The following CDK14 variants were observed in gnomAD, a reference collection of about 807,000 sequenced individuals.
CDK14 encodes the protein cyclin-dependent kinase 14.
In CDK14, 34 loss-of-function variants were observed where a neutral mutation model predicts 60.7. That is an observed-to-expected ratio of 0.56 (90% CI 0.43 to 0.75). The LOEUF is 0.75. CDK14 is among the 30% of genes least tolerant of loss of function. The pLI is 0.00. For synonymous variants in CDK14, 197 were observed against 203.7 expected (o/e 0.97, Z 0.28); for missense variants, 482 against 564.1 (o/e 0.85, Z 1.47).
At chr7:90,853,645 A>T (rs1346021319) in intron 5 of CDK14, among the ~76,000 whole-genome samples, 1 of 152,238 alleles carries the variant, frequency 6.6e-6, no homozygotes, top group East Asian at 1.9e-4. Context: ...TTTGGTTGAA[A>T]TATGGAATAT....
intron 11 of CDK14, among the ~76,000 whole-genome samples, chr7:91,063,431 A>G (rs1233705352): frequency 1.3e-5 from 2 of 152,258 alleles, no homozygotes; most frequent in African/African-American, 4.8e-5. Context: ...TCCTTCACGT[A>G]CACTGTCCTT....
At chr7:90,722,131 T>A (rs1419875833) in intron 2 of CDK14, among the ~76,000 whole-genome samples, 2 of 148,782 alleles carry the variant, frequency 1.3e-5, no homozygotes, top group Non-Finnish European at 3.0e-5. Context: ...TTCTCCCTTC[T>A]CCCCTCTTAC....
chr7:90,666,297 A>G (rs530672886), intron 2 of CDK14: 3 of 152,330 alleles, frequency 2.0e-5, no homozygotes, highest in East Asian at 3.9e-4. Flanking sequence ...ACTCTGGATC[A>G]GGGTTAATGT....
intron 5 of CDK14, among the ~76,000 whole-genome samples, chr7:90,815,278 C>G (rs1053336155): frequency 6.6e-6 from 1 of 151,960 alleles, no homozygotes; most frequent in Non-Finnish European, 1.5e-5. Flanking sequence ...ATAATTTAAG[C>G]AGTAATGAAA....
At chr7:90,781,091 C>A (rs931670928) in intron 4 of CDK14, among the ~76,000 whole-genome samples, 107 of 152,232 alleles carry the variant, frequency 7.0e-4, no homozygotes, top group African/African-American at 2.1e-3. Context: ...TAATGATCGC[C>A]ATTCTAACTG....
intron 2 of CDK14, among the ~76,000 whole-genome samples, chr7:90,631,725 G>A (rs2116403410): frequency 6.6e-6 from 1 of 152,270 alleles, no homozygotes; most frequent in East Asian, 1.9e-4. Context: ...TGGGTTACGA[G>A]GTTTCGCAGC....
At chr7:90,735,534 G>T (rs1024759143) in intron 3 of CDK14, among the ~76,000 whole-genome samples, 1 of 152,214 alleles carries the variant, frequency 6.6e-6, no homozygotes, top group Non-Finnish European at 1.5e-5. Flanking sequence ...TCTAGAGAAG[G>T]AGTCTGGCCA....
At chr7:90,778,846 A>ACCTACCTTCCTTCCTTCCTT (rs1554335029) in intron 4 of CDK14, among the ~76,000 whole-genome samples, 1 of 127,864 alleles carries the variant, frequency 7.8e-6, no homozygotes, top group Admixed American at 8.2e-5. Flanking sequence ...AAATTGACCG[A>ACCTACCTTCCTTCCTTCCTT]CCTTCCTTCC....
chr7:91,190,554 A>T (rs1802328447), intron 14 of CDK14, among the ~76,000 whole-genome samples: 2 of 152,184 alleles, frequency 1.3e-5, no homozygotes, highest in African/African-American at 4.8e-5. Flanking sequence ...CAGTGGCATG[A>T]TCTCAGCTCA....
intron 9 of CDK14, among the ~76,000 whole-genome samples, chr7:90,965,176 G>A (rs1794714792): frequency 6.6e-6 from 1 of 151,932 alleles, no homozygotes; most frequent in Non-Finnish European, 1.5e-5. Context: ...TCCCCACTTT[G>A]TCTCTGCATG....
intron 14 of CDK14, among the ~76,000 whole-genome samples, chr7:91,128,525 A>G (rs527946053): frequency 5.3e-4 from 80 of 152,222 alleles, no homozygotes; most frequent in Non-Finnish European, 9.1e-4. Context: ...TATCTTTCAC[A>G]GAAACCCAAT....
chr7:90,822,586 T>C (rs905899993), intron 5 of CDK14, among the ~76,000 whole-genome samples: 4 of 152,128 alleles, frequency 2.6e-5, no homozygotes, highest in African/African-American at 7.2e-5. Context: ...CTCTCTTCCC[T>C]TACCTGCAGA....
At chr7:90,994,810 G>A (rs1177738998) in intron 10 of CDK14, among the ~76,000 whole-genome samples, 5 of 152,156 alleles carry the variant, frequency 3.3e-5, no homozygotes, top group South Asian at 4.1e-4. Context: ...AAAAGATGGC[G>A]AAATACTGCC....
chr7:90,803,038 G>T (rs1183663228), intron 5 of CDK14, among the ~76,000 whole-genome samples: 1 of 151,858 alleles, frequency 6.6e-6, no homozygotes, highest in African/African-American at 2.4e-5. Flanking sequence ...TTAATACGCT[G>T]TTTGGAAGCT....
chr7:91,190,782 AC>A (rs140782537), intron 14 of CDK14, among the ~76,000 whole-genome samples: 11,297 of 152,020 alleles, frequency 0.074, 1,166 homozygotes, highest in East Asian at 0.47. Context: ...GAGCCACCCC[AC>A]CCAGCCTATT....
At chr7:90,864,294 A>G (rs1409997399) in intron 6 of CDK14, among the ~76,000 whole-genome samples, 1 of 152,192 alleles carries the variant, frequency 6.6e-6, no homozygotes, top group Non-Finnish European at 1.5e-5. Flanking sequence ...GGACAGCTAG[A>G]GCTGAGCAGT....
At chr7:90,829,624 C>T (rs1210903726) in intron 5 of CDK14, among the ~76,000 whole-genome samples, 2 of 152,080 alleles carry the variant, frequency 1.3e-5, no homozygotes, top group Non-Finnish European at 2.9e-5. Flanking sequence ...CTCCGCCCCC[C>T]CAGGTTCAAG....
At chr7:90,899,424 C>T (rs772914218) in intron 7 of CDK14, 71 bp downstream of exon 7, 1 of 1,174,208 alleles carries the variant, frequency 8.5e-7, no homozygotes, top group Non-Finnish European at 1.2e-6. Flanking sequence ...AGTCTAGCAT[C>T]TCTACCATAA....
intron 11 of CDK14, among the ~76,000 whole-genome samples, chr7:91,068,657 A>G (rs1319643474): frequency 6.6e-6 from 1 of 151,804 alleles, no homozygotes; most frequent in Non-Finnish European, 1.5e-5. Flanking sequence ...TCCGACTCTG[A>G]TCTCCTTCTC....
Sources: allele counts gnomAD v4.1 joint callset (sites outside exome capture counted in the v4.1 genomes callset), GRCh38; gene constraint gnomAD v4.1.1; transcripts MANE v1.5; gene names NCBI Gene and HGNC (gene_info 2026-07-23, HGNC 2026-07-21).